The following MLLT1 variants were observed in gnomAD, a reference collection of about 807,000 sequenced individuals.
MLLT1 encodes the protein MLLT1 super elongation complex subunit, also known as protein ENL.
In MLLT1, 11 loss-of-function variants were observed where a neutral mutation model predicts 55.1. The observed-to-expected ratio is 0.20, with a 90% CI of 0.13 to 0.33. The LOEUF (loss-of-function observed/expected upper bound fraction) is 0.33, where lower values mean the gene tolerates loss of function less well. Ranked by LOEUF, MLLT1 falls within the 10% of genes least tolerant of loss-of-function variation. The pLI, the probability that MLLT1 is intolerant of heterozygous loss-of-function variation, is 1.00. For missense variants in MLLT1, 536 were observed against 760.6 expected (o/e 0.70, Z 3.47); for synonymous variants, 323 against 320.1 (o/e 1.01, Z -0.10).
rs145495223 is a variant in MLLT1, at chr19:6,233,183, C to T, written c.277-2470G>A. ...TGCCTGCAGTGCCGGACGGCTCACA[C>T]GGGTGGCACCAGGCTCCGCAAGCTC... On this transcript the variant is annotated intron_variant, in intron 3 of 11. Transcript: ENST00000252674. Among the ~76,000 whole-genome samples, 950 of 152,332 alleles carry T rather than the reference C, an allele frequency of 6.2e-3. 15 individuals are homozygous for T. Among genetic ancestry groups the T allele is most frequent in the African/African-American group, 0.022 (896 of 41,580 alleles).
chr19:6,230,512 G>T lies in MLLT1; in HGVS notation c.420+58C>A. 3 of 1,594,694 alleles carry T rather than the reference G, an allele frequency of 1.9e-6. No homozygotes were observed. The highest frequency in any genetic ancestry group is 2.2e-5 in the East Asian group (1 of 44,738). On this transcript the variant is annotated intron_variant, in intron 4 of 11. Transcript: ENST00000252674. The surrounding 1 kb of genome is among the most constrained non-coding windows in gnomAD (Gnocchi z 9.0). Reference sequence around the variant, plus strand: ...CACCTCTGGCTGGGCACAGACGGCCGCAGCAAAGTAGCCTCGGTGGAGCGG... The same window carrying T: ...CACCTCTGGCTGGGCACAGACGGCCTCAGCAAAGTAGCCTCGGTGGAGCGG...
chr19:6,226,225 CGGGCAGCTGCCCCGA>C lies in MLLT1; in HGVS notation c.546+737_546+751del, dbSNP rs2090955682. 1.3e-5 allele frequency among the ~76,000 whole-genome samples: 2 copies of C among 152,192 alleles called. No homozygotes were observed. Among genetic ancestry groups the C allele is most frequent in the Admixed American group, 1.3e-4 (2 of 15,278 alleles). On this transcript the variant is annotated intron_variant, in intron 5 of 11. Coordinates refer to ENST00000252674, the MANE Select transcript of MLLT1 (RefSeq NM_005934.4). The surrounding 1 kb of genome is among the most constrained non-coding windows in gnomAD (Gnocchi z 6.3). ...GGAGAGATGTGTGGGTGGCAGGCAC[CGGGCAGCTGCCCCGA>C]GGGCCCGTGCCGCTCAGCCTCCAGG...
chr19:6,262,386 C>T lies in MLLT1; in HGVS notation c.194-76G>A. 1 of 1,256,630 alleles carries T rather than the reference C, an allele frequency of 8.0e-7. No individual in the cohort carries two copies. The highest frequency in any genetic ancestry group is 1.1e-6 in the Non-Finnish European group (1 of 873,468). 77.8% of individuals were successfully genotyped at this position (1,256,630 alleles called of 1,614,324 possible). A position where few individuals can be genotyped will look rare whatever the true frequency, so the allele number is the denominator to read the frequency against. On this transcript the variant is annotated intron_variant, in intron 2 of 11. Transcript: ENST00000252674. The surrounding 1 kb of genome is among the most constrained non-coding windows in gnomAD (Gnocchi z 4.4). ...CCCAGCTGCCAGCGGCAGTACCGCACCCCTCAACCCCACCACCTCCTCACA... is the reference window on the plus strand; with the variant it reads ...CCCAGCTGCCAGCGGCAGTACCGCATCCCTCAACCCCACCACCTCCTCACA...
intron 3 of MLLT1, among the ~76,000 whole-genome samples, chr19:6,246,145 G>A (rs936522972): frequency 1.3e-5 from 2 of 151,846 alleles, no homozygotes; most frequent in African/African-American, 4.8e-5. Flanking sequence ...CATATTCAAG[G>A]GCTGGCGAAG....
intron 10 of MLLT1, 95 bp from the exon 11 acceptor site, chr19:6,213,503 A>G: frequency 1.7e-6 from 2 of 1,202,530 alleles, no homozygotes; most frequent in Non-Finnish European, 1.2e-6. Context: ...CCATCCCAGC[A>G]CAGGACAGAG....
Position 6,227,598 on chromosome 19 carries a change from T to C in MLLT1, c.421-496A>G, listed in dbSNP as rs1020168659. On this transcript the variant is annotated intron_variant, in intron 4 of 11. Coordinates refer to ENST00000252674, the MANE Select transcript of MLLT1 (RefSeq NM_005934.4). The surrounding 1 kb of genome is among the most constrained non-coding windows in gnomAD (Gnocchi z 5.1). ...TGAGCCGTCCTTGGTGTGCGGTGACTGCAGCGGACCCGAACAGGGCAAGAG... is the reference window on the plus strand; with the variant it reads ...TGAGCCGTCCTTGGTGTGCGGTGACCGCAGCGGACCCGAACAGGGCAAGAG... Among the ~76,000 whole-genome samples the C allele has an allele frequency of 1.5e-4, 23 of 152,304 alleles. No homozygotes were observed. Among genetic ancestry groups the C allele is most frequent in the Admixed American group, 1.3e-3 (20 of 15,314 alleles).
At chr19:6,220,814 C>G (rs2090890187) in intron 6 of MLLT1, among the ~76,000 whole-genome samples, 1 of 152,168 alleles carries the variant, frequency 6.6e-6, no homozygotes, top group Non-Finnish European at 1.5e-5. Context: ...GGGTCAGGCT[C>G]GGTGCCCAGC....
At position 6,218,016 on chromosome 19, in the gene MLLT1, G is replaced by A; in HGVS notation, c.1136C>T (p.Ser379Phe). The A allele has an allele frequency of 6.2e-7, 1 of 1,610,416 alleles. No homozygotes were observed. Among genetic ancestry groups the A allele is most frequent in the Non-Finnish European group, 8.5e-7 (1 of 1,178,196 alleles). The change falls in exon 7 of 12, where the codon TCC becomes TTC. Residue 379 changes from serine to phenylalanine, a missense_variant. Coordinates refer to ENST00000252674, the MANE Select transcript of MLLT1 (RefSeq NM_005934.4). ...SESAQSSPSN[S>F]SSSSDSSSDS... ...TGAGCTGGAGTCTGAGCTGGAGCTG[G>A]AGTTGGACGGGCTTGACTGGGCAGA...
At position 6,229,708 on chromosome 19, in the gene MLLT1, C is replaced by T. The variant is rs561985335; in HGVS notation, c.420+862G>A. Among the ~76,000 whole-genome samples the T allele has an allele frequency of 1.3e-5, 2 of 151,968 alleles. No homozygotes were observed. Among genetic ancestry groups the T allele is most frequent in the Admixed American group, 1.3e-4 (2 of 15,250 alleles). The stretch of plus-strand genomic sequence containing the variant: ...CACGCCCCACACCCGTGACACCACA[C>T]ACCACACCCCTACATGCCACACATG... On this transcript the variant is annotated intron_variant, in intron 4 of 11. Transcript: ENST00000252674. This position sits in a 1 kb window ranked among gnomAD's most constrained non-coding sequence, Gnocchi z 5.2.
chr19:6,255,567 A>G (rs748250689), intron 3 of MLLT1, among the ~76,000 whole-genome samples: 8 of 152,204 alleles, frequency 5.3e-5, no homozygotes, highest in Admixed American at 1.3e-4. Context: ...TGAAAACTAT[A>G]AAATATTGCT....
intron 6 of MLLT1, among the ~76,000 whole-genome samples, chr19:6,220,713 G>A (rs906835359): frequency 1.3e-5 from 2 of 152,186 alleles, no homozygotes; most frequent in African/African-American, 4.8e-5. Context: ...GCCTGGGACT[G>A]CATGTCACTC....
chr19:6,231,001 A>G lies in MLLT1; in HGVS notation c.277-288T>C, dbSNP rs115195856. Among the ~76,000 whole-genome samples, 397 of 152,308 alleles carry G rather than the reference A, an allele frequency of 2.6e-3. 3 individuals carry two copies. The highest frequency in any genetic ancestry group is 9.2e-3 in the African/African-American group (382 of 41,584). On this transcript the variant is annotated intron_variant, in intron 3 of 11. Transcript: ENST00000252674. This position sits in a 1 kb window ranked among gnomAD's most constrained non-coding sequence, Gnocchi z 5.1. ...GAAACATGTACCCCCTTCAACCCTC[A>G]CAGCGCCACTGACAGACAGGGAAAC...
intron 1 of MLLT1, among the ~76,000 whole-genome samples, chr19:6,271,893 C>T (rs1352928549): frequency 6.6e-6 from 1 of 152,248 alleles, no homozygotes; most frequent in Non-Finnish European, 1.5e-5. Flanking sequence ...CGGCAACTGG[C>T]CAGGTGTGTC....
At chr19:6,265,388 C>T (rs1600215693) in intron 2 of MLLT1, among the ~76,000 whole-genome samples, 1 of 152,232 alleles carries the variant, frequency 6.6e-6, no homozygotes, top group East Asian at 1.9e-4. Context: ...AGTTTTGGAT[C>T]GGCTGGGTGC....
rs1258107848 is a variant in MLLT1, at chr19:6,213,099, G to A, written c.1623C>T (p.Ser541=). 6.2e-7 allele frequency: 1 copy of A among 1,613,862 alleles called. No individual in the cohort carries two copies. Among genetic ancestry groups the A allele is most frequent in the Non-Finnish European group, 8.5e-7 (1 of 1,179,902 alleles). ...GTTTGCGCACGGTGGTCTCGTCCAG[G>A]GAGAAGAGGTCGAAGTCGAAGGTGG... is the stretch of plus-strand genomic sequence containing the variant. The part of the protein sequence containing the change: ...TNTTFDFDLF[S]LDETTVRKLQ... The change falls in exon 12 of 12, where the codon TCC becomes TCT. Residue 541 remains serine, a synonymous_variant. Coordinates refer to ENST00000252674, the MANE Select transcript of MLLT1 (RefSeq NM_005934.4).
intron 9 of MLLT1, 42 bp downstream of exon 9, chr19:6,213,897 C>T (rs371673261): frequency 6.0e-6 from 9 of 1,502,536 alleles, no homozygotes; most frequent in Non-Finnish European, 7.2e-6. Flanking sequence ...AGGGCTAAGC[C>T]CGGCCTCTGG....
chr19:6,239,856 CAT>C (rs1270874959), intron 3 of MLLT1, among the ~76,000 whole-genome samples: 1 of 152,150 alleles, frequency 6.6e-6, no homozygotes, highest in East Asian at 1.9e-4. Context: ...GCAGGACAAA[CAT>C]TGCTTATCAT....
rs183877250 is a variant in MLLT1, at chr19:6,229,545, C to A, written c.420+1025G>T. On this transcript the variant is annotated intron_variant, in intron 4 of 11. Transcript: ENST00000252674. The surrounding 1 kb of genome is among the most constrained non-coding windows in gnomAD (Gnocchi z 5.2). ...GCCACATACACACCTGACACATTCA[C>A]ATACTCCCCATAACACACGTCACAC... is the stretch of plus-strand genomic sequence containing the variant. Among the ~76,000 whole-genome samples, 3 of 152,082 alleles carry A rather than the reference C, an allele frequency of 2.0e-5. No homozygotes were observed. Among genetic ancestry groups the A allele is most frequent in the African/African-American group, 7.2e-5 (3 of 41,472 alleles).
intron 3 of MLLT1, among the ~76,000 whole-genome samples, chr19:6,244,725 A>G (rs2091150771): frequency 6.6e-6 from 1 of 152,226 alleles, no homozygotes; most frequent in South Asian, 2.1e-4. Context: ...TTAAAACTCA[A>G]CAACAAGAAA....
Sources: gnomAD v4.1 joint callset for allele counts (sites outside exome capture counted in the v4.1 genomes callset) on GRCh38, gnomAD v4.1.1 for gene constraint, Gnocchi (gnomAD v3.1) non-coding constraint, MANE v1.5 for transcripts, NCBI Gene and HGNC (gene_info 2026-07-23, HGNC 2026-07-21) for gene names.